Variants in GRIN2A observed in about 807,000 individuals in gnomAD.
The protein encoded by GRIN2A is glutamate ionotropic receptor NMDA type subunit 2A.
A neutral mutation model predicts 113.4 loss-of-function variants in GRIN2A; 22 were observed. The observed-to-expected ratio is 0.19, with a 90% CI of 0.14 to 0.28. GRIN2A has a LOEUF of 0.28. GRIN2A is among the 10% of genes least tolerant of loss of function. The pLI is 1.00. For synonymous variants in GRIN2A, 827 were observed against 738.4 expected, an observed-to-expected ratio of 1.12 and a Z score of -1.94; for missense variants, 1,502 against 1,887.0, an observed-to-expected ratio of 0.80 and a Z score of 3.78.
chr16:9,756,464 C>T lies in GRIN2A; in HGVS notation c.*6685G>A, dbSNP rs1567268666. ...AGAGGCTGATACTCAAGGGTATATG[C>T]CCAGGAACCTCAAAAGAGCACACCT... On this transcript the variant is annotated 3_prime_UTR_variant, in exon 13 of 13. Coordinates refer to ENST00000330684, the MANE Select transcript of GRIN2A (RefSeq NM_001134407.3). 4.4e-6 allele frequency: 1 copy of T among 227,908 alleles called. No homozygotes were observed. The highest frequency in any genetic ancestry group is 8.7e-6 in the Non-Finnish European group (1 of 114,612). 14.1% of individuals were successfully genotyped at this position (227,908 alleles called of 1,614,324 possible). A position where few individuals can be genotyped will look rare whatever the true frequency, so the allele number is the denominator to read the frequency against.
At chr16:10,015,779 A>G (rs2046598626) in intron 2 of GRIN2A, among the ~76,000 whole-genome samples, 1 of 152,158 alleles carries the variant, frequency 6.6e-6, no homozygotes, top group African/African-American at 2.4e-5. Context: ...AGCCCCTGCA[A>G]TGAGGCAATT....
chr16:10,080,294 C>T (rs2047953769), intron 2 of GRIN2A, among the ~76,000 whole-genome samples: 1 of 152,152 alleles, frequency 6.6e-6, no homozygotes, highest in South Asian at 2.1e-4. Context: ...TTCCTGATTA[C>T]CTTATCTTTA....
Position 10,062,792 on chromosome 16 carries a change from G to C in GRIN2A, c.414+117206C>G, listed in dbSNP as rs369588618. ...TGGTAGAAGAATTGCTTGAACCTGGGAGGCAGAGGTTGCTGTGAGCAGAGA... is the reference window on the plus strand; with the variant it reads ...TGGTAGAAGAATTGCTTGAACCTGGCAGGCAGAGGTTGCTGTGAGCAGAGA... On this transcript the variant is annotated intron_variant, in intron 2 of 12. Transcript: ENST00000330684. Among the ~76,000 whole-genome samples the C allele has an allele frequency of 2.6e-5, 4 of 152,152 alleles. No homozygotes were observed. In the South Asian group the frequency reaches 8.3e-4, roughly 32 times the overall value.
At chr16:9,946,998 C>T (rs2045035106) in intron 2 of GRIN2A, among the ~76,000 whole-genome samples, 1 of 152,152 alleles carries the variant, frequency 6.6e-6, no homozygotes, top group Non-Finnish European at 1.5e-5. Flanking sequence ...GCTTTTCTGT[C>T]ACTTGCAATC....
At chr16:9,909,897 T>C (rs973354835) in intron 3 of GRIN2A, among the ~76,000 whole-genome samples, 38 of 152,202 alleles carry the variant, frequency 2.5e-4, no homozygotes, top group African/African-American at 8.7e-4. Context: ...ATGTTAACAA[T>C]ACCACAGAGG....
intron 11 of GRIN2A, among the ~76,000 whole-genome samples, chr16:9,778,731 A>G (rs1901758685): frequency 6.6e-6 from 1 of 152,138 alleles, no homozygotes; most frequent in African/African-American, 2.4e-5. Flanking sequence ...TTTCCTATCC[A>G]TGACCAGGGG....
chr16:10,155,821 T>C (rs1233984530), intron 2 of GRIN2A, among the ~76,000 whole-genome samples: 1 of 152,152 alleles, frequency 6.6e-6, no homozygotes, highest in Non-Finnish European at 1.5e-5. Flanking sequence ...GTGAGACTTA[T>C]TCACTATCAC....
chr16:9,840,579 C>T (rs2141341229), intron 7 of GRIN2A, 68 bp downstream of exon 7: 3 of 1,440,792 alleles, frequency 2.1e-6, no homozygotes, highest in Non-Finnish European at 2.9e-6. Context: ...CTGGTCCCAT[C>T]CTCTGAGCAA....
At chr16:10,109,028 A>C (rs1008417831) in intron 2 of GRIN2A, among the ~76,000 whole-genome samples, 9 of 150,552 alleles carry the variant, frequency 6.0e-5, no homozygotes, top group Admixed American at 1.3e-4. Flanking sequence ...AAAAAAAAAA[A>C]AAAAAAACAA....
At chr16:9,868,118 C>T (rs549201834) in intron 4 of GRIN2A, among the ~76,000 whole-genome samples, 1 of 152,232 alleles carries the variant, frequency 6.6e-6, no homozygotes, top group South Asian at 2.1e-4. Flanking sequence ...AATATTTGAA[C>T]ATTTTTTACT....
chr16:10,171,346 T>C (rs1269427997), intron 2 of GRIN2A: 1 of 152,216 alleles, frequency 6.6e-6, no homozygotes, highest in Non-Finnish European at 1.5e-5. Flanking sequence ...TATTAATCCT[T>C]GGCAGAGATA....
chr16:10,045,295 A>G (rs1316166651), intron 2 of GRIN2A, among the ~76,000 whole-genome samples: 2 of 152,110 alleles, frequency 1.3e-5, no homozygotes, highest in Non-Finnish European at 2.9e-5. Context: ...GGAAAGTATT[A>G]TTTTCTTTCC....
intron 2 of GRIN2A, among the ~76,000 whole-genome samples, chr16:10,039,687 G>A (rs2047106881): frequency 1.3e-5 from 2 of 151,152 alleles, no homozygotes; most frequent in South Asian, 4.2e-4. Flanking sequence ...CTCCTGGGAG[G>A]GGCCTTTCGA....
intron 2 of GRIN2A, among the ~76,000 whole-genome samples, chr16:9,942,593 C>T (rs780000277): frequency 6.6e-6 from 1 of 152,182 alleles, no homozygotes; most frequent in African/African-American, 2.4e-5. Flanking sequence ...ACACAGACAT[C>T]GTCAGAAACC....
chr16:9,920,437 G>A (rs1244900422), intron 3 of GRIN2A, among the ~76,000 whole-genome samples: 1 of 152,294 alleles, frequency 6.6e-6, no homozygotes, highest in South Asian at 2.1e-4. Flanking sequence ...ATTTATTAAA[G>A]TCAAGATAAA....
intron 2 of GRIN2A, among the ~76,000 whole-genome samples, chr16:10,068,458 G>A (rs915155369): frequency 2.0e-5 from 3 of 152,204 alleles, no homozygotes; most frequent in Non-Finnish European, 4.4e-5. Flanking sequence ...CAGAGCAGGA[G>A]AGAGTAAGTC....
At chr16:10,092,491 T>C (rs573100405) in intron 2 of GRIN2A, among the ~76,000 whole-genome samples, 3 of 152,336 alleles carry the variant, frequency 2.0e-5, no homozygotes, top group Admixed American at 2.0e-4. Context: ...TTCTCTCTTC[T>C]CAAGAATAGA....
chr16:9,870,292 C>T (rs191910376), intron 4 of GRIN2A, among the ~76,000 whole-genome samples: 26 of 152,234 alleles, frequency 1.7e-4, no homozygotes, highest in African/African-American at 4.8e-4. Context: ...TTTCTTGGAT[C>T]CTTGTGTCAA....
At chr16:9,803,589 C>T (rs1487565706) in intron 10 of GRIN2A, among the ~76,000 whole-genome samples, 1 of 152,180 alleles carries the variant, frequency 6.6e-6, no homozygotes, top group Non-Finnish European at 1.5e-5. Flanking sequence ...AAGGGGCTCA[C>T]CAATTTTATG....
Sources: allele counts gnomAD v4.1 joint callset (sites outside exome capture counted in the v4.1 genomes callset), GRCh38; gene constraint gnomAD v4.1.1; transcripts MANE v1.5; gene names NCBI Gene and HGNC (gene_info 2026-07-23, HGNC 2026-07-21).